Variants in CNGB3 observed in about 807,000 individuals in gnomAD.
The protein encoded by CNGB3 is cyclic nucleotide gated channel subunit beta 3.
A neutral mutation model predicts 92.8 loss-of-function variants in CNGB3; 86 were observed. The ratio of observed to expected loss-of-function variants is 0.93; its 90% CI spans 0.78 to 1.11. CNGB3 has a LOEUF of 1.11. CNGB3 is among the 50% of genes least tolerant of loss of function. CNGB3 has a pLI of 0.00. For missense variants in CNGB3, 1,026 were observed against 956.8 expected (o/e 1.07, Z -0.95); for synonymous variants, 333 against 332.7 (o/e 1.00, Z -0.01).
At chr8:86,632,254 A>G (rs1178485165) in intron 11 of CNGB3, among the ~76,000 whole-genome samples, 1 of 151,840 alleles carries the variant, frequency 6.6e-6, no homozygotes, top group Non-Finnish European at 1.5e-5. Flanking sequence ...ACTATCTTCA[A>G]TATAATAATT....
At chr8:86,664,840 G>GTGGCTACCTCTCTGTGGTT (rs1262373302) in intron 6 of CNGB3, among the ~76,000 whole-genome samples, 19 of 152,276 alleles carry the variant, frequency 1.2e-4, no homozygotes, top group African/African-American at 3.1e-4. Flanking sequence ...TGTGAGGGGT[G>GTGGCTACCTCTCTGTGGTT]TGGCTACCTC....
intron 2 of CNGB3, among the ~76,000 whole-genome samples, chr8:86,738,915 G>A (rs1478878566): frequency 6.6e-6 from 1 of 151,968 alleles, no homozygotes; most frequent in Non-Finnish European, 1.5e-5. Flanking sequence ...TACTTTACAG[G>A]ACATCCTGGT....
chr8:86,613,218 C>T (rs1385271836), intron 13 of CNGB3, among the ~76,000 whole-genome samples: 3 of 152,102 alleles, frequency 2.0e-5, no homozygotes, highest in Admixed American at 6.6e-5. Flanking sequence ...AAAGTATACA[C>T]GTTTTATTTA....
intron 2 of CNGB3, among the ~76,000 whole-genome samples, chr8:86,728,218 A>G (rs1825096327): frequency 6.6e-6 from 1 of 152,198 alleles, no homozygotes; most frequent in African/African-American, 2.4e-5. Context: ...AAAGGTCTCA[A>G]TATAATCACA....
In CNGB3 at chr8:86,600,922, G is replaced by A. The variant is rs142807817; in HGVS notation, c.1781+3171C>T. Among the ~76,000 whole-genome samples, 485 of 149,986 alleles carry A rather than the reference G, an allele frequency of 3.2e-3. 26 individuals carry two copies. In the South Asian group the frequency reaches 0.083, roughly 26 times the overall value. ...TGGGATTACAGGCGTGAGCCACCAC[G>A]CCCAGCCTCTAGTTCTTACATTTTA... On this transcript the variant is annotated intron_variant, in intron 15 of 17. Coordinates refer to ENST00000320005, the MANE Select transcript of CNGB3 (RefSeq NM_019098.5).
intron 3 of CNGB3, among the ~76,000 whole-genome samples, chr8:86,677,308 T>C (rs112987005): frequency 1.5e-3 from 222 of 152,340 alleles, no homozygotes; most frequent in African/African-American, 4.9e-3. Context: ...TGATAACATA[T>C]GGACAACTCA....
At chr8:86,636,488 G>A (rs963440414) in intron 10 of CNGB3, among the ~76,000 whole-genome samples, 1 of 142,344 alleles carries the variant, frequency 7.0e-6, no homozygotes, top group Non-Finnish European at 1.5e-5. Flanking sequence ...CAGGAGAATC[G>A]CTTGAACCCG....
chr8:86,691,275 TG>T (rs1453317006), intron 3 of CNGB3, among the ~76,000 whole-genome samples: 2 of 152,164 alleles, frequency 1.3e-5, no homozygotes, highest in African/African-American at 4.8e-5. Flanking sequence ...GCTTTTTGGA[TG>T]AGTGTTTAGG....
chr8:86,694,097 C>G (rs1170867145), intron 3 of CNGB3, among the ~76,000 whole-genome samples: 1 of 107,154 alleles, frequency 9.3e-6, no homozygotes, highest in African/African-American at 3.7e-5. Flanking sequence ...CACCTCCCTC[C>G]CAGACGGGGC....
At chr8:86,672,769 C>T (rs934453890) in intron 3 of CNGB3, among the ~76,000 whole-genome samples, 7 of 152,158 alleles carry the variant, frequency 4.6e-5, no homozygotes, top group Admixed American at 2.6e-4. Context: ...CCAGACTACC[C>T]ATGTTTTTCT....
chr8:86,713,747 A>G lies in CNGB3; in HGVS notation c.338+12784T>C, dbSNP rs775039528. ...AATCTCATATTTTTCAAAGATATTT[A>G]ACATGCATGTTTACTTAAGAAATTC... On this transcript the variant is annotated intron_variant, in intron 3 of 17. Transcript: ENST00000320005. 4.2e-4 allele frequency among the ~76,000 whole-genome samples: 64 copies of G among 152,220 alleles called. 1 individual carries two copies. The highest frequency in any genetic ancestry group is 1.0e-4 in the Non-Finnish European group (7 of 68,038).
intron 3 of CNGB3, among the ~76,000 whole-genome samples, chr8:86,719,269 C>A (rs2131665626): frequency 6.6e-6 from 1 of 152,092 alleles, no homozygotes; most frequent in South Asian, 2.1e-4. Context: ...AGGAGGAAAA[C>A]CCTAAAGACT....
intron 3 of CNGB3, among the ~76,000 whole-genome samples, chr8:86,704,568 G>C (rs1824617202): frequency 6.6e-6 from 1 of 152,134 alleles, no homozygotes; most frequent in South Asian, 2.1e-4. Flanking sequence ...AGGACTTTCT[G>C]CCCAGGCTTT....
At chr8:86,658,931 C>A in intron 6 of CNGB3, 2 of 1,033,382 alleles carry the variant, frequency 1.9e-6, no homozygotes, top group Non-Finnish European at 3.0e-6. Context: ...GCCTCTCCTC[C>A]TGCTCTCGGT....
At chr8:86,694,029 A>T (rs1322312015) in intron 3 of CNGB3, among the ~76,000 whole-genome samples, 139 of 133,274 alleles carry the variant, frequency 1.0e-3, no homozygotes, top group Middle Eastern at 5.3e-3. Flanking sequence ...GTGGCCGGGC[A>T]GAGGCGCCCC....
intron 2 of CNGB3, among the ~76,000 whole-genome samples, chr8:86,730,349 A>T (rs962576079): frequency 6.6e-6 from 1 of 152,242 alleles, no homozygotes; most frequent in Non-Finnish European, 1.5e-5. Flanking sequence ...GTAAATTAAA[A>T]AGACACTCAG....
chr8:86,735,042 G>GGTT (rs1554618958), intron 2 of CNGB3, among the ~76,000 whole-genome samples: 2,454 of 85,924 alleles, frequency 0.029, 364 homozygotes, highest in African/African-American at 0.098. Context: ...AATGCCGGTG[G>GGTT]TTTTTTTTTT....
intron 12 of CNGB3, among the ~76,000 whole-genome samples, chr8:86,628,576 T>C (rs917393735): frequency 5.3e-5 from 8 of 152,158 alleles, no homozygotes; most frequent in Non-Finnish European, 7.3e-5. Flanking sequence ...CCCAAATTTC[T>C]CAGTTAGGAG....
intron 7 of CNGB3, among the ~76,000 whole-genome samples, chr8:86,650,197 G>A (rs1301302683): frequency 4.0e-5 from 6 of 151,320 alleles, no homozygotes; most frequent in Non-Finnish European, 1.5e-5. Context: ...CCTGTCTAGT[G>A]CTACTCTAAA....
Sources: allele counts gnomAD v4.1 joint callset (sites outside exome capture counted in the v4.1 genomes callset), GRCh38; gene constraint gnomAD v4.1.1; transcripts MANE v1.5; gene names NCBI Gene and HGNC (gene_info 2026-07-23, HGNC 2026-07-21).